TLN2: variants seen among roughly 807,000 people sequenced by gnomAD.
The protein encoded by TLN2 is talin-2.
In TLN2, 118 loss-of-function variants were observed where a neutral mutation model predicts 294.7. The observed-to-expected ratio is 0.40, with a 90% CI of 0.34 to 0.47. The LOEUF is 0.47. Ranked by LOEUF, TLN2 falls within the 20% of genes least tolerant of loss-of-function variation. The probability of loss-of-function intolerance (pLI) is 0.84; values close to 1 mark genes in which losing one functional copy is unlikely to be tolerated. For synonymous variants in TLN2, 1,431 were observed against 1,304.5 expected, an observed-to-expected ratio of 1.10 and a Z score of -2.09; for missense variants, 3,083 against 3,282.2, an observed-to-expected ratio of 0.94 and a Z score of 1.48.
chr15:62,417,060 G>A (rs1186077137), intron 1 of TLN2, among the ~76,000 whole-genome samples: 1 of 152,136 alleles, frequency 6.6e-6, no homozygotes, highest in African/African-American at 2.4e-5. Context: ...GCAGCTTTTG[G>A]AGTTGACGTT....
At chr15:62,589,824 G>C (rs1246494445) in intron 2 of TLN2, 62 bp downstream of exon 2, 1 of 152,168 alleles carries the variant, frequency 6.6e-6, no homozygotes, top group Non-Finnish European at 1.5e-5. Context: ...CATTGGTATA[G>C]TTTTGTAAAG....
chr15:62,446,726 C>A (rs1480326129), intron 1 of TLN2, among the ~76,000 whole-genome samples: 7 of 152,144 alleles, frequency 4.6e-5, no homozygotes, highest in Non-Finnish European at 1.0e-4. Flanking sequence ...CTAATACTTT[C>A]AAATCAAACA....
chr15:62,710,360 C>T (rs912335770), intron 21 of TLN2, among the ~76,000 whole-genome samples: 2 of 152,154 alleles, frequency 1.3e-5, no homozygotes, highest in Non-Finnish European at 2.9e-5. Flanking sequence ...TATTTTTGTG[C>T]TTCCTTGCCA....
At chr15:62,835,709 T>C (rs1332215879) in intron 55 of TLN2, 28 bp from the exon 56 acceptor site, 2 of 1,614,030 alleles carry the variant, frequency 1.2e-6, no homozygotes, top group Non-Finnish European at 1.7e-6. Context: ...CCTGCCCTCA[T>C]GGCCAATTTC....
chr15:62,534,616 T>C (rs890535142), intron 1 of TLN2, among the ~76,000 whole-genome samples: 1 of 152,114 alleles, frequency 6.6e-6, no homozygotes, highest in Non-Finnish European at 1.5e-5. Flanking sequence ...GGTTAAATCA[T>C]TTGCCATTGA....
intron 1 of TLN2, among the ~76,000 whole-genome samples, chr15:62,506,633 C>G (rs1412145666): frequency 6.6e-6 from 1 of 152,208 alleles, no homozygotes; most frequent in Non-Finnish European, 1.5e-5. Flanking sequence ...GTGTTTGAAA[C>G]AAGCAACATT....
At chr15:62,777,744 A>G (rs2063822682) in intron 43 of TLN2, among the ~76,000 whole-genome samples, 2 of 152,352 alleles carry the variant, frequency 1.3e-5, no homozygotes, top group African/African-American at 2.4e-5. Context: ...AGCCCATAGT[A>G]AACTCTTGTA....
At chr15:62,558,742 A>G (rs1023684846) in intron 1 of TLN2, among the ~76,000 whole-genome samples, 1 of 152,018 alleles carries the variant, frequency 6.6e-6, no homozygotes, top group Non-Finnish European at 1.5e-5. Flanking sequence ...CTCTATGGGC[A>G]GCAGGTTGGG....
intron 19 of TLN2, among the ~76,000 whole-genome samples, chr15:62,703,627 G>A (rs8037712): frequency 0.15 from 16,983 of 116,644 alleles, 1,451 homozygotes; most frequent in African/African-American, 0.32. Context: ...ACACACGCGC[G>A]CACACACACA....
At position 62,800,262 on chromosome 15, in the gene TLN2, TTCTC is replaced by T. The variant is rs983052036; in HGVS notation, c.6235-103_6235-100del. On this transcript the variant is annotated intron_variant, in intron 48 of 58. Transcript: ENST00000636159. ...CCATGCTGCAGACTTCAGACTGTCTTTCTCTCCTCCCCCGTGCCCTGGCCTGCCC... is the reference window on the plus strand; with the variant it reads ...CCATGCTGCAGACTTCAGACTGTCTTTCCTCCCCCGTGCCCTGGCCTGCCC... 1.1e-5 allele frequency: 16 copies of T among 1,508,400 alleles called. No individual in the cohort carries two copies. In the Admixed American group the frequency reaches 2.5e-4, roughly 24 times the overall value. 93.4% of individuals were successfully genotyped at this position (1,508,400 alleles called of 1,614,324 possible).
intron 12 of TLN2, among the ~76,000 whole-genome samples, chr15:62,688,738 T>C (rs1322821697): frequency 6.6e-6 from 1 of 152,180 alleles, no homozygotes; most frequent in African/African-American, 2.4e-5. Context: ...AAGTTGTTTT[T>C]TCCTTATGTA....
At chr15:62,408,016 G>A (rs2033523035) in intron 1 of TLN2, among the ~76,000 whole-genome samples, 1 of 152,196 alleles carries the variant, frequency 6.6e-6, no homozygotes, top group Non-Finnish European at 1.5e-5. Flanking sequence ...CAAGGGGATT[G>A]TCTTCTTGTA....
chr15:62,784,108 G>A (rs2064431666), intron 45 of TLN2: 1 of 698,216 alleles, frequency 1.4e-6, no homozygotes, highest in Non-Finnish European at 2.2e-6. Flanking sequence ...CCAAGAACTG[G>A]GGCATGGGCT....
At chr15:62,702,383 G>A (rs957445325) in intron 18 of TLN2, among the ~76,000 whole-genome samples, 183 bp downstream of exon 18, 3 of 152,228 alleles carry the variant, frequency 2.0e-5, no homozygotes, top group Admixed American at 6.5e-5. Flanking sequence ...GAGTGGTTGA[G>A]CTCTTAGTAT....
chr15:62,808,455 G>A (rs1343060920), intron 51 of TLN2, among the ~76,000 whole-genome samples: 3 of 152,128 alleles, frequency 2.0e-5, no homozygotes, highest in Non-Finnish European at 4.4e-5. Context: ...TCTGTGCTTT[G>A]GATTATTTCC....
chr15:62,715,323 G>A (rs1299731986), intron 22 of TLN2, among the ~76,000 whole-genome samples: 1 of 152,180 alleles, frequency 6.6e-6, no homozygotes, highest in Non-Finnish European at 1.5e-5. Flanking sequence ...TGTTCTTCCT[G>A]CCTTGAGAGC....
At chr15:62,790,108 A>G (rs2064974140) in intron 45 of TLN2, among the ~76,000 whole-genome samples, 1 of 152,174 alleles carries the variant, frequency 6.6e-6, no homozygotes, top group Non-Finnish European at 1.5e-5. Flanking sequence ...ATGTAACAGG[A>G]TTTTCTCAAC....
chr15:62,839,069 AAGTTTATTTCTTCCT>A (rs1381848831), intron 58 of TLN2, 88 bp downstream of exon 58: 1 of 1,511,866 alleles, frequency 6.6e-7, no homozygotes, highest in Non-Finnish European at 8.9e-7. Context: ...TTCAAGATGA[AAGTTTATTTCTTCCT>A]CGTGTACCAG....
chr15:62,434,707 G>A (rs1343953399), intron 1 of TLN2, among the ~76,000 whole-genome samples: 1 of 152,190 alleles, frequency 6.6e-6, no homozygotes, highest in African/African-American at 2.4e-5. Context: ...TTGCCAGTCC[G>A]CTAGGTAAAA....
Sources: gnomAD v4.1 joint callset for allele counts (sites outside exome capture counted in the v4.1 genomes callset) on GRCh38, gnomAD v4.1.1 for gene constraint, MANE v1.5 for transcripts, NCBI Gene and HGNC (gene_info 2026-07-23, HGNC 2026-07-21) for gene names.